Variants in GPC5 observed in about 807,000 individuals in gnomAD.
The protein encoded by GPC5 is glypican 5.
Under a neutral mutation model 53.9 loss-of-function variants are expected in GPC5, and 47 were observed. That is an observed-to-expected ratio of 0.87 (90% CI 0.69 to 1.11). The LOEUF (loss-of-function observed/expected upper bound fraction) is 1.11. Among genes scored for constraint, GPC5 ranks in the 50% most tolerant of loss-of-function variants. GPC5 has a pLI of 0.00. For missense variants in GPC5, 748 were observed against 713.1 expected, an observed-to-expected ratio of 1.05 and a Z score of -0.56; for synonymous variants, 286 against 263.3, an observed-to-expected ratio of 1.09 and a Z score of -0.84.
chr13:92,056,648 G>A (rs2041076799), intron 6 of GPC5, among the ~76,000 whole-genome samples: 1 of 152,176 alleles, frequency 6.6e-6, no homozygotes, highest in Non-Finnish European at 1.5e-5. Context: ...TTTTTTAAAT[G>A]GGAAATAAAA....
At chr13:92,188,844 A>G (rs1435743613) in intron 7 of GPC5, among the ~76,000 whole-genome samples, 1 of 152,216 alleles carries the variant, frequency 6.6e-6, no homozygotes, top group Non-Finnish European at 1.5e-5. Context: ...GCCACCCGAC[A>G]GCAGGTGAAA....
At chr13:92,281,024 C>G (rs1204356082) in intron 7 of GPC5, among the ~76,000 whole-genome samples, 1 of 152,164 alleles carries the variant, frequency 6.6e-6, no homozygotes, top group Non-Finnish European at 1.5e-5. Context: ...CAGACAGCAC[C>G]TGGAAAATTG....
rs1210871571 is a variant in GPC5 at position 92,840,315 on chromosome 13, T to C, written c.1562-25967T>C. Among the ~76,000 whole-genome samples, 3 of 151,922 alleles carry C rather than the reference T, an allele frequency of 2.0e-5. No individual in the cohort carries two copies. In the East Asian group the frequency reaches 5.8e-4, roughly 30 times the overall value. On this transcript the variant is annotated intron_variant, in intron 7 of 7. Transcript: ENST00000377067. ...ATGAAAATATGAGTTGCTTCCTCTT[T>C]GGCTATTGTGAATAGTGCTGCTATG...
chr13:91,434,453 T>C (rs1879751959), intron 1 of GPC5, among the ~76,000 whole-genome samples: 1 of 152,160 alleles, frequency 6.6e-6, no homozygotes, highest in African/African-American at 2.4e-5. Flanking sequence ...ATTTATTAAA[T>C]AGGGAATCGT....
chr13:92,166,921 G>GTCTCTCTCTCTCTCTCTC (rs35310453), intron 7 of GPC5, among the ~76,000 whole-genome samples: 2 of 128,430 alleles, frequency 1.6e-5, no homozygotes, highest in Admixed American at 8.0e-5. Flanking sequence ...ATAAGTCTCA[G>GTCTCTCTCTCTCTCTCTC]TCTCTCTCTC....
At chr13:91,492,583 A>G (rs1252362090) in intron 2 of GPC5, among the ~76,000 whole-genome samples, 1 of 152,158 alleles carries the variant, frequency 6.6e-6, no homozygotes, top group African/African-American at 2.4e-5. Flanking sequence ...GTCTTGAGAG[A>G]CTGGATGATG....
intron 1 of GPC5, among the ~76,000 whole-genome samples, chr13:91,448,005 G>A (rs1880920153): frequency 6.6e-6 from 1 of 152,070 alleles, no homozygotes; most frequent in Non-Finnish European, 1.5e-5. Flanking sequence ...TGCTTGTCCT[G>A]GGTCCCTACC....
At chr13:91,819,135 T>C (rs1276146199) in intron 5 of GPC5, among the ~76,000 whole-genome samples, 1 of 147,790 alleles carries the variant, frequency 6.8e-6, no homozygotes. Flanking sequence ...TTTCTTTTTA[T>C]TAAAAAAAAT....
intron 5 of GPC5, among the ~76,000 whole-genome samples, chr13:91,841,403 T>C (rs1342117897): frequency 6.7e-6 from 1 of 150,026 alleles, no homozygotes; most frequent in Non-Finnish European, 1.5e-5. Flanking sequence ...AAAGAGGTCT[T>C]TTGGGTTCGA....
intron 2 of GPC5, among the ~76,000 whole-genome samples, chr13:91,516,965 G>C (rs1885539533): frequency 6.6e-6 from 1 of 152,088 alleles, no homozygotes; most frequent in South Asian, 2.1e-4. Context: ...TAGGACACAG[G>C]GCACTAAGTC....
chr13:92,317,607 C>T (rs956091980), intron 7 of GPC5, among the ~76,000 whole-genome samples: 4 of 152,142 alleles, frequency 2.6e-5, no homozygotes, highest in African/African-American at 9.7e-5. Flanking sequence ...GATACTCATG[C>T]CTCAGCCTCC....
intron 1 of GPC5, among the ~76,000 whole-genome samples, chr13:91,428,731 G>A (rs1043105139): frequency 3.3e-5 from 5 of 150,372 alleles, no homozygotes; most frequent in Non-Finnish European, 7.4e-5. Flanking sequence ...AATTTGAAAG[G>A]AATTTTTTTT....
At chr13:92,786,912 C>T (rs1287540242) in intron 7 of GPC5, among the ~76,000 whole-genome samples, 6 of 152,112 alleles carry the variant, frequency 3.9e-5, no homozygotes, top group Admixed American at 3.9e-4. Flanking sequence ...GCAAAGGGAT[C>T]CAGGCTCCCC....
At chr13:91,694,182 G>A (rs888589383) in intron 3 of GPC5, among the ~76,000 whole-genome samples, 2 of 152,076 alleles carry the variant, frequency 1.3e-5, no homozygotes, top group Admixed American at 6.6e-5. Context: ...AGTCCCTTTG[G>A]CCTCTTTGCA....
chr13:91,558,746 C>A (rs1296309737), intron 2 of GPC5, among the ~76,000 whole-genome samples: 3 of 152,140 alleles, frequency 2.0e-5, no homozygotes, highest in African/African-American at 4.8e-5. Flanking sequence ...CTTTGTCCCC[C>A]AAAAGGTGGT....
At chr13:92,630,545 A>C (rs548442055) in intron 7 of GPC5, among the ~76,000 whole-genome samples, 17 of 152,288 alleles carry the variant, frequency 1.1e-4, no homozygotes, top group African/African-American at 3.6e-4. Context: ...ATAAAAGATA[A>C]TCAAATGTCT....
intron 7 of GPC5, among the ~76,000 whole-genome samples, chr13:92,729,398 C>A (rs1484330281): frequency 6.6e-6 from 1 of 151,302 alleles, no homozygotes. Flanking sequence ...ATAAAACACA[C>A]AATGTATTTC....
At chr13:91,821,833 G>C (rs2038500756) in intron 5 of GPC5, among the ~76,000 whole-genome samples, 1 of 151,898 alleles carries the variant, frequency 6.6e-6, no homozygotes, top group Non-Finnish European at 1.5e-5. Flanking sequence ...TATTTTTATA[G>C]GATTTCTGTA....
chr13:91,492,033 A>G (rs764131706), intron 2 of GPC5, among the ~76,000 whole-genome samples: 1 of 152,168 alleles, frequency 6.6e-6, no homozygotes, highest in African/African-American at 2.4e-5. Flanking sequence ...CTATTATTAC[A>G]TGGTGTTCAG....
Sources: allele counts gnomAD v4.1 joint callset (sites outside exome capture counted in the v4.1 genomes callset), GRCh38; gene constraint gnomAD v4.1.1; transcripts MANE v1.5; gene names NCBI Gene and HGNC (gene_info 2026-07-23, HGNC 2026-07-21).